Variants in ARHGAP24 observed in about 807,000 individuals in gnomAD.
ARHGAP24 encodes the protein Rho GTPase activating protein 24, also known as rho GTPase-activating protein 24.
In ARHGAP24, 50 loss-of-function variants were observed where a neutral mutation model predicts 76.4. That is an observed-to-expected ratio of 0.65 (90% CI 0.52 to 0.83). The LOEUF (loss-of-function observed/expected upper bound fraction) is 0.83. Among genes scored for constraint, ARHGAP24 ranks in the 40% least tolerant of loss-of-function variants. ARHGAP24 has a pLI of 0.00. For synonymous variants in ARHGAP24, 345 were observed against 323.3 expected (o/e 1.07, Z -0.72); for missense variants, 930 against 914.2 (o/e 1.02, Z -0.22).
chr4:85,545,543 G>T (rs145767819), intron 1 of ARHGAP24, among the ~76,000 whole-genome samples: 18 of 152,276 alleles, frequency 1.2e-4, no homozygotes, highest in African/African-American at 3.4e-4. Context: ...TGCTTCATTT[G>T]CTGCTTTCTG....
At chr4:85,869,303 G>A (rs530092747) in intron 3 of ARHGAP24, among the ~76,000 whole-genome samples, 1 of 152,238 alleles carries the variant, frequency 6.6e-6, no homozygotes, top group South Asian at 2.1e-4. Context: ...GGAGGAAGTG[G>A]GAGGTTGGGA....
intron 2 of ARHGAP24, among the ~76,000 whole-genome samples, chr4:85,655,790 T>TAGAG (rs1351229097): frequency 3.4e-4 from 17 of 50,150 alleles, no homozygotes; most frequent in African/African-American, 1.1e-3. Flanking sequence ...TATATATATA[T>TAGAG]ATAGAGAGAG....
chr4:85,772,549 G>A (rs971388831), intron 3 of ARHGAP24, among the ~76,000 whole-genome samples: 1 of 152,116 alleles, frequency 6.6e-6, no homozygotes, highest in Non-Finnish European at 1.5e-5. Flanking sequence ...CTCAATATTT[G>A]ACTTGATGGA....
chr4:85,673,277 T>C (rs935308837), intron 2 of ARHGAP24, among the ~76,000 whole-genome samples: 1 of 152,186 alleles, frequency 6.6e-6, no homozygotes, highest in African/African-American at 2.4e-5. Flanking sequence ...TCTTCCTTTA[T>C]AATTGTGCAG....
Position 85,698,362 on chromosome 4 carries a change from G to T in ARHGAP24, c.181-23523G>T, listed in dbSNP as rs751986835. Among the ~76,000 whole-genome samples, 186 of 152,252 alleles carry T rather than the reference G, an allele frequency of 1.2e-3. 1 individual carries two copies. Among genetic ancestry groups the T allele is most frequent in the Middle Eastern group, 3.4e-3 (1 of 294 alleles). On this transcript the variant is annotated intron_variant, in intron 2 of 9. Coordinates refer to ENST00000395184, the MANE Select transcript of ARHGAP24 (RefSeq NM_001025616.3). ...AGTAAACTCTGCAAGTGTATCTATA[G>T]AATATAGAAAGTGGGCAGATCCAGA...
rs1175564907 is a variant in ARHGAP24, at chr4:86,001,781, A to G, written c.*1059A>G. On this transcript the variant is annotated 3_prime_UTR_variant, in exon 10 of 10. Coordinates refer to ENST00000395184, the MANE Select transcript of ARHGAP24 (RefSeq NM_001025616.3). ...GTGACATTTTTTTCTCACTCAGGCT[A>G]TTGCCATCTGGGATTCTCTCCCTAC... The G allele has an allele frequency of 2.0e-5, 4 of 197,782 alleles. No individual in the cohort carries two copies. Among genetic ancestry groups the G allele is most frequent in the Non-Finnish European group, 4.1e-5 (4 of 98,538 alleles). The allele number at this position is 197,782 out of a possible 1,614,324, so 12.3% of individuals were successfully genotyped here.
intron 3 of ARHGAP24, among the ~76,000 whole-genome samples, chr4:85,757,115 T>C (rs1407579981): frequency 4.6e-5 from 7 of 151,978 alleles, no homozygotes; most frequent in Non-Finnish European, 1.5e-5. Flanking sequence ...GGCCAGGCCA[T>C]CTCCGTCTTT....
intron 2 of ARHGAP24, among the ~76,000 whole-genome samples, chr4:85,675,637 C>G (rs58758405): frequency 0.024 from 3,617 of 152,274 alleles, 139 homozygotes; most frequent in African/African-American, 0.083. Flanking sequence ...AAAGTCCCAG[C>G]TCCTGGAAAA....
chr4:85,537,384 A>G (rs1451840338), intron 1 of ARHGAP24, among the ~76,000 whole-genome samples: 3 of 151,956 alleles, frequency 2.0e-5, no homozygotes, highest in Non-Finnish European at 2.9e-5. Flanking sequence ...TTGATTATTG[A>G]CTCTGGTCCC....
At chr4:85,670,125 C>A (rs548472585) in intron 2 of ARHGAP24, among the ~76,000 whole-genome samples, 10 of 152,192 alleles carry the variant, frequency 6.6e-5, no homozygotes, top group Admixed American at 5.9e-4. Context: ...CAGCCATTTT[C>A]CTCTCCAATA....
At chr4:85,613,148 A>G (rs763010544) in intron 2 of ARHGAP24, among the ~76,000 whole-genome samples, 21 of 152,052 alleles carry the variant, frequency 1.4e-4, no homozygotes, top group Non-Finnish European at 2.5e-4. Context: ...GTGTGTGCAA[A>G]TGTATACCTT....
chr4:85,743,010 G>A lies in ARHGAP24; in HGVS notation c.268+21038G>A, dbSNP rs900866621. ...GAGATGGAAGTTCTGAAAAAATGTT[G>A]CCTTTATTCAGTATTAGTGCATTAT... On this transcript the variant is annotated intron_variant, in intron 3 of 9. Coordinates refer to ENST00000395184, the MANE Select transcript of ARHGAP24 (RefSeq NM_001025616.3). Among the ~76,000 whole-genome samples the A allele has an allele frequency of 2.0e-5, 3 of 152,176 alleles. No homozygotes were observed. The East Asian group carries it at 5.8e-4, about 29-fold the overall frequency.
At chr4:85,929,748 T>C (rs2148816040) in intron 4 of ARHGAP24, among the ~76,000 whole-genome samples, 1 of 152,284 alleles carries the variant, frequency 6.6e-6, no homozygotes, top group Middle Eastern at 3.4e-3. Flanking sequence ...CACATACACA[T>C]GTATAAATAT....
chr4:85,790,232 G>A (rs553292256), intron 3 of ARHGAP24, among the ~76,000 whole-genome samples: 1 of 152,254 alleles, frequency 6.6e-6, no homozygotes, highest in Admixed American at 6.5e-5. Flanking sequence ...CAATTTACTA[G>A]CTGTATTATA....
intron 1 of ARHGAP24, among the ~76,000 whole-genome samples, chr4:85,558,133 C>G (rs1726460876): frequency 6.6e-6 from 1 of 152,090 alleles, no homozygotes; most frequent in Non-Finnish European, 1.5e-5. Flanking sequence ...ATTTCCTGGG[C>G]CAGTCACTGT....
intron 3 of ARHGAP24, among the ~76,000 whole-genome samples, chr4:85,840,381 G>A (rs1298112736): frequency 6.6e-6 from 1 of 152,214 alleles, no homozygotes; most frequent in African/African-American, 2.4e-5. Flanking sequence ...CCCCGGGCTA[G>A]TCTAAATAAC....
chr4:85,512,411 C>T (rs1046749228), intron 1 of ARHGAP24, among the ~76,000 whole-genome samples: 2 of 152,200 alleles, frequency 1.3e-5, no homozygotes, highest in Non-Finnish European at 2.9e-5. Flanking sequence ...AGCTTAGTAC[C>T]TGGCTTAGTG....
intron 2 of ARHGAP24, among the ~76,000 whole-genome samples, chr4:85,610,360 C>T (rs1445486608): frequency 2.1e-4 from 28 of 132,438 alleles, no homozygotes; most frequent in Admixed American, 1.8e-3. Context: ...GGGAGAATGG[C>T]GTGAACCTGG....
Position 85,581,177 on chromosome 4 carries a change from A to T in ARHGAP24, c.180+10456A>T, listed in dbSNP as rs370570230. On this transcript the variant is annotated intron_variant, in intron 2 of 9. Transcript: ENST00000395184. ...TTGCCATATACACAAATATGATTTT[A>T]ATATTTTAAAATATTAAAGTACTAA... Among the ~76,000 whole-genome samples, 42 of 152,262 alleles carry T rather than the reference A, an allele frequency of 2.8e-4. No homozygotes were observed. In the East Asian group the frequency reaches 5.0e-3, roughly 18 times the overall value.
Sources: gnomAD v4.1 joint callset for allele counts (sites outside exome capture counted in the v4.1 genomes callset) on GRCh38, gnomAD v4.1.1 for gene constraint, MANE v1.5 for transcripts, NCBI Gene and HGNC (gene_info 2026-07-23, HGNC 2026-07-21) for gene names.